The following MICAL3 variants were observed in gnomAD, a reference collection of about 807,000 sequenced individuals.
MICAL3 encodes [F-actin]-monooxygenase MICAL3.
In MICAL3, 62 loss-of-function variants were observed where a neutral mutation model predicts 207.4. That is an observed-to-expected ratio of 0.30 (90% confidence interval 0.24 to 0.37). The LOEUF (loss-of-function observed/expected upper bound fraction) is 0.37. MICAL3 is among the 10% of genes least tolerant of loss of function. The pLI is 1.00. For synonymous variants in MICAL3, 1,077 were observed against 1,069.3 expected (o/e 1.01, Z -0.14); for missense variants, 2,368 against 2,635.6 (o/e 0.90, Z 2.22).
chr22:17,896,748 A>G lies in MICAL3; in HGVS notation c.1182T>C (p.Ala394=). The G allele has an allele frequency of 6.2e-7, 1 of 1,613,848 alleles. No individual in the cohort carries two copies. The highest frequency in any genetic ancestry group is 8.5e-7 in the Non-Finnish European group (1 of 1,179,868). The change falls in exon 8 of 32, where the codon GCT becomes GCC. Residue 394 remains alanine (A), a synonymous_variant. Transcript: ENST00000441493. ...REQNGHQLLV[A]LVGDSLLEPF... ...CCTCTAGGAGGCTGTCCCCGACCAG[A>G]GCCACTAGTAACTGGTGTCCGTTCT...
In MICAL3 at chr22:17,822,125, C is replaced by T. The variant is rs45544141; in HGVS notation, c.3353G>A (p.Arg1118His). The change falls in exon 24 of 32, where the codon CGT becomes CAT. Residue 1118 changes from arginine (R) to histidine (H), a missense_variant. Arg to His is a conservative substitution (Grantham distance 29, BLOSUM62 0). This residue lies in a region of MICAL3 where 1,770 missense variants were observed against 1,863.2 expected (regional missense o/e 0.95). Transcript: ENST00000441493. ...TTCCCCCTCAGCTGGGCACGGCAAA[C>T]GCAGCTCTCTGTCAGCATCCGACGG... The part of the protein sequence containing the change: ...DSPSDADREL[R>H]LPCPAEGEAE... 102,175 of 1,613,762 alleles carry T rather than the reference C, an allele frequency of 0.063. 3,585 individuals carry two copies. Among genetic ancestry groups the T allele is most frequent in the African/African-American group, 0.14 (10,808 of 75,036 alleles).
In MICAL3 at chr22:17,872,650, T is replaced by C; in HGVS notation, c.2242-627A>G. On this transcript the variant is annotated intron_variant, in intron 16 of 31. Coordinates refer to ENST00000441493, the MANE Select transcript of MICAL3 (RefSeq NM_015241.3). The stretch of plus-strand genomic sequence containing the variant: ...CCTCAAAAGCAATTACCGCATAGCA[T>C]ACACGGGCTATGCAAGCTATAAGTG... The C allele has an allele frequency of 3.8e-6, 3 of 779,228 alleles. No homozygotes were observed. The Middle Eastern group carries it at 1.1e-3, about 274-fold the overall frequency. The allele number at this position is 779,228 out of a possible 1,614,324, so 48.3% of individuals were successfully genotyped here.
chr22:17,928,368 G>T (rs1371270240), intron 1 of MICAL3, among the ~76,000 whole-genome samples: 2 of 152,026 alleles, frequency 1.3e-5, no homozygotes, highest in Non-Finnish European at 2.9e-5. Context: ...GAACCCGGGA[G>T]GCGGAGCTTG....
At chr22:17,901,730 G>T in intron 5 of MICAL3, 148 bp downstream of exon 5, 1 of 510,124 alleles carries the variant, frequency 2.0e-6, no homozygotes, top group South Asian at 4.1e-5. Context: ...GCTAGAGGAT[G>T]GTGGGGCCTG....
At position 17,817,455 on chromosome 22, in the gene MICAL3, G is replaced by A. The variant is rs1218583314; in HGVS notation, c.5206C>T (p.Pro1736Ser). ...SNLLEEAAAK[P>S]KSLWKSVFSG... ...AAGACGGACTTCCACAGGGACTTGG[G>A]TTTGGCGGCGGCTTCTTCTAGGAGG... is the stretch of plus-strand genomic sequence containing the variant. The change falls in exon 26 of 32, where the codon CCC becomes TCC. Residue 1736 changes from proline (P) to serine (S), a missense_variant. Physicochemically the swap from Pro to Ser is moderately conservative, Grantham distance 74 (BLOSUM62 -1). This residue lies in a region of MICAL3 where 1,770 missense variants were observed against 1,863.2 expected (regional missense o/e 0.95). Coordinates refer to ENST00000441493, the MANE Select transcript of MICAL3 (RefSeq NM_015241.3). 1 of 1,613,778 alleles carries A rather than the reference G, an allele frequency of 6.2e-7. No homozygotes were observed. The highest frequency in any genetic ancestry group is 2.2e-5 in the East Asian group (1 of 44,874).
intron 1 of MICAL3, among the ~76,000 whole-genome samples, chr22:17,913,544 T>C (rs28443179): frequency 6.6e-6 from 1 of 152,038 alleles, no homozygotes; most frequent in Non-Finnish European, 1.5e-5. Context: ...TGCAAGAGTG[T>C]GGCATTTTTC....
intron 1 of MICAL3, among the ~76,000 whole-genome samples, chr22:17,917,306 C>T (rs1324364224): frequency 1.3e-5 from 2 of 152,188 alleles, no homozygotes; most frequent in Non-Finnish European, 2.9e-5. Context: ...CTCGCCAGAG[C>T]CTGTTCCTTC....
chr22:17,892,510 T>C (rs1480486923), intron 11 of MICAL3, among the ~76,000 whole-genome samples: 1 of 152,216 alleles, frequency 6.6e-6, no homozygotes, highest in Non-Finnish European at 1.5e-5. Context: ...CTGTTTCATT[T>C]AGGTTTTTCG....
chr22:17,872,339 C>G (rs1167223161), intron 16 of MICAL3, among the ~76,000 whole-genome samples: 1 of 151,860 alleles, frequency 6.6e-6, no homozygotes, highest in Non-Finnish European at 1.5e-5. Context: ...TACAGCCTGG[C>G]GACGCCGGGA....
chr22:17,923,218 C>T (rs1932839099), intron 1 of MICAL3, among the ~76,000 whole-genome samples: 1 of 152,170 alleles, frequency 6.6e-6, no homozygotes, highest in South Asian at 2.1e-4. Flanking sequence ...AGTCCACAGC[C>T]CACAACTTCT....
intron 29 of MICAL3, among the ~76,000 whole-genome samples, chr22:17,799,178 T>C (rs967433507): frequency 2.0e-5 from 3 of 151,568 alleles, no homozygotes; most frequent in Non-Finnish European, 4.4e-5. Flanking sequence ...AGGTCTGGAG[T>C]TCAAGACCAG....
At chr22:17,862,121 A>T in intron 19 of MICAL3, 1 of 985,412 alleles carries the variant, frequency 1.0e-6, no homozygotes, top group Non-Finnish European at 1.2e-6. Context: ...GCTGAGTTAC[A>T]CACAAGAGAA....
chr22:17,912,367 GT>G (rs1387655877), intron 1 of MICAL3, among the ~76,000 whole-genome samples: 2 of 132,946 alleles, frequency 1.5e-5, no homozygotes, highest in African/African-American at 6.4e-5. Context: ...TTCTATTTCT[GT>G]AAAAAAAAAA....
intron 19 of MICAL3, among the ~76,000 whole-genome samples, chr22:17,844,777 C>T (rs564012148): frequency 6.6e-6 from 1 of 152,284 alleles, no homozygotes; most frequent in Admixed American, 6.5e-5. Context: ...AAAGAATATG[C>T]TATGATGCTG....
At chr22:17,813,961 G>C (rs1023187858) in intron 27 of MICAL3, 2 of 152,222 alleles carry the variant, frequency 1.3e-5, no homozygotes, top group Non-Finnish European at 2.9e-5. Context: ...CTTTTTAAAA[G>C]TCTGAATTAT....
intron 1 of MICAL3, among the ~76,000 whole-genome samples, chr22:18,008,030 C>T (rs892901857): frequency 1.3e-5 from 2 of 150,524 alleles, no homozygotes; most frequent in African/African-American, 4.9e-5. Flanking sequence ...CACTTGAGGT[C>T]AGGAGTTCGA....
chr22:17,859,955 C>T (rs558751021), intron 19 of MICAL3, among the ~76,000 whole-genome samples: 1 of 152,244 alleles, frequency 6.6e-6, no homozygotes, highest in Admixed American at 6.5e-5. Flanking sequence ...AGCCCCTACA[C>T]AGGAGTCCTC....
chr22:17,862,403 C>T (rs111538346), intron 19 of MICAL3: 139 of 456,454 alleles, frequency 3.0e-4, no homozygotes, highest in African/African-American at 2.8e-3. Context: ...TACAGGCATC[C>T]GCCACCACAC....
chr22:17,860,420 C>CG (rs1455495280), intron 19 of MICAL3: 12 of 985,316 alleles, frequency 1.2e-5, no homozygotes, highest in Non-Finnish European at 1.3e-5. Flanking sequence ...GTTGGGCTCT[C>CG]GTACCGCCGC....
Sources: allele counts gnomAD v4.1 joint callset (sites outside exome capture counted in the v4.1 genomes callset), GRCh38; gene constraint gnomAD v4.1.1; regional missense constraint gnomAD v4.1.1; transcripts MANE v1.5; gene names NCBI Gene and HGNC (gene_info 2026-07-23, HGNC 2026-07-21).